Variants in ABCA1 observed in about 807,000 individuals in gnomAD.
The protein encoded by ABCA1 is phospholipid-transporting ATPase ABCA1.
In ABCA1, 133 loss-of-function variants were observed where a neutral mutation model predicts 262.5. That is an observed-to-expected ratio of 0.51 (90% confidence interval 0.44 to 0.59). The LOEUF is 0.59. ABCA1 is among the 20% of genes least tolerant of loss of function. The pLI, the probability that ABCA1 is intolerant of heterozygous loss-of-function variation, is 0.00. For missense variants in ABCA1, 2,452 were observed against 2,777.5 expected (o/e 0.88, Z 2.63); for synonymous variants, 1,022 against 1,043.5 (o/e 0.98, Z 0.40).
chr9:104,881,612 GCAGC>G (rs1838663884), intron 5 of ABCA1, among the ~76,000 whole-genome samples: 2 of 152,172 alleles, frequency 1.3e-5, no homozygotes, highest in Admixed American at 6.5e-5. Context: ...ACAAAGTCAT[GCAGC>G]CACAGGGTAA....
At chr9:104,905,552 C>T (rs2118446667) in intron 1 of ABCA1, among the ~76,000 whole-genome samples, 1 of 152,286 alleles carries the variant, frequency 6.6e-6, no homozygotes, top group South Asian at 2.1e-4. Context: ...GGACACAGGC[C>T]TCCAAAGTTT....
At chr9:104,873,728 T>C (rs1837851615) in intron 5 of ABCA1, among the ~76,000 whole-genome samples, 1 of 152,214 alleles carries the variant, frequency 6.6e-6, no homozygotes, top group African/African-American at 2.4e-5. Context: ...GCAGTGAGCT[T>C]AAGAACAAGC....
chr9:104,893,435 A>AAAG, intron 2 of ABCA1, among the ~76,000 whole-genome samples: 1 of 117,782 alleles, frequency 8.5e-6, no homozygotes, highest in African/African-American at 3.3e-5. Flanking sequence ...AAAAAAAAAA[A>AAAG]AAAAAAAAAA....
intron 1 of ABCA1, among the ~76,000 whole-genome samples, chr9:104,907,980 C>G (rs1841273709): frequency 6.6e-6 from 1 of 152,236 alleles, no homozygotes; most frequent in African/African-American, 2.4e-5. Flanking sequence ...GAAATTTTAA[C>G]TGCAAATGCC....
chr9:104,783,290 T>A lies in ABCA1; in HGVS notation c.*1025A>T, dbSNP rs1232659449. ...AAATAACATTAAAAAGTACAAACAT[T>A]TTTGTCAAAATACAACTCCATCTTT... is the stretch of plus-strand genomic sequence containing the variant. On this transcript the variant is annotated 3_prime_UTR_variant, in exon 50 of 50. Transcript: ENST00000374736. 1 of 152,186 alleles carries A rather than the reference T, an allele frequency of 6.6e-6. No homozygotes were observed. The highest frequency in any genetic ancestry group is 1.5e-5 in the Non-Finnish European group (1 of 68,042). 9.4% of individuals were successfully genotyped at this position (152,186 alleles called of 1,614,324 possible).
At position 104,820,080 on chromosome 9, in the gene ABCA1, G is replaced by T. The variant is rs758562247; in HGVS notation, c.2961-11C>A. Reference sequence around the variant, plus strand: ...TCTTCGACAGTCAGCCTGGGGACAGGGAGGCAGGTCAGCTCTGGGCCCTAC... The same window carrying T: ...TCTTCGACAGTCAGCCTGGGGACAGTGAGGCAGGTCAGCTCTGGGCCCTAC... On this transcript the variant is annotated splice_polypyrimidine_tract_variant and intron_variant, in intron 20 of 49. Coordinates refer to ENST00000374736, the MANE Select transcript of ABCA1 (RefSeq NM_005502.4). 1 of 1,614,082 alleles carries T rather than the reference G, an allele frequency of 6.2e-7. No homozygotes were observed. The highest frequency in any genetic ancestry group is 1.7e-5 in the Admixed American group (1 of 60,018).
chr9:104,903,889 T>C (rs1039618348), intron 1 of ABCA1, 118 bp from the exon 2 acceptor site: 35 of 611,214 alleles, frequency 5.7e-5, no homozygotes, highest in African/African-American at 5.5e-4. Flanking sequence ...CTCTGCATCA[T>C]GACTGCTTCT....
At chr9:104,885,838 A>G (rs1387487384) in intron 3 of ABCA1, among the ~76,000 whole-genome samples, 1 of 152,172 alleles carries the variant, frequency 6.6e-6, no homozygotes, top group African/African-American at 2.4e-5. Flanking sequence ...TGTGACCCCA[A>G]AAGAGTTCAC....
At chr9:104,815,067 C>T (rs954981815) in intron 25 of ABCA1, among the ~76,000 whole-genome samples, 2 of 152,152 alleles carry the variant, frequency 1.3e-5, no homozygotes, top group African/African-American at 2.4e-5. Flanking sequence ...TCTGAACCTA[C>T]AGGGAATGAG....
chr9:104,876,948 T>C (rs551401319), intron 5 of ABCA1, among the ~76,000 whole-genome samples: 1 of 152,332 alleles, frequency 6.6e-6, no homozygotes, highest in South Asian at 2.1e-4. Context: ...TAAAACAAGA[T>C]AGTATTTTTA....
At chr9:104,816,961 G>A (rs1366961050) in intron 24 of ABCA1, among the ~76,000 whole-genome samples, 1 of 152,094 alleles carries the variant, frequency 6.6e-6, no homozygotes. Context: ...AAATCTGGAA[G>A]GCTGTTCCTC....
At position 104,822,535 on chromosome 9, in the gene ABCA1, G is replaced by T; in HGVS notation, c.2789C>A (p.Ser930Tyr). Residue 930 changes from serine to tyrosine, a missense_variant, in exon 19 of 50, where the codon TCC (serine) becomes TAC (tyrosine). Ser to Tyr is a moderately radical substitution (Grantham distance 144). Around this residue, in one of 4 missense-constraint regions of ABCA1, gnomAD observed 665 missense variants for 727.3 expected, o/e 0.91. Coordinates refer to ENST00000374736, the MANE Select transcript of ABCA1 (RefSeq NM_005502.4). ...ALNFYEGQIT[S>Y]FLGHNGAGKT... Reference sequence around the variant, plus strand: ...CCCCGCTCCATTGTGGCCCAGGAAGGAGGTGATCTGGCCCTCATAAAAATT... The same window carrying T: ...CCCCGCTCCATTGTGGCCCAGGAAGTAGGTGATCTGGCCCTCATAAAAATT... 6.2e-7 allele frequency: 1 copy of T among 1,614,008 alleles called. No individual in the cohort carries two copies. Among genetic ancestry groups the T allele is most frequent in the Non-Finnish European group, 8.5e-7 (1 of 1,179,994 alleles).
chr9:104,881,869 T>G lies in ABCA1; in HGVS notation c.421+1170A>C, dbSNP rs1016356046. On this transcript the variant is annotated intron_variant, in intron 5 of 49. Transcript: ENST00000374736. ...ATGGCCTGGCTGCACAGCCAGGAGTTGTCTAAGTGGACACTCCAAGCACAG... is the reference window on the plus strand; with the variant it reads ...ATGGCCTGGCTGCACAGCCAGGAGTGGTCTAAGTGGACACTCCAAGCACAG... 2.6e-5 allele frequency among the ~76,000 whole-genome samples: 4 copies of G among 151,900 alleles called. No individual in the cohort carries two copies. The East Asian group carries it at 5.9e-4, about 22-fold the overall frequency.
intron 14 of ABCA1, among the ~76,000 whole-genome samples, chr9:104,830,329 G>A (rs1316497864): frequency 6.6e-6 from 1 of 152,218 alleles, no homozygotes. Flanking sequence ...GCTTGCATGT[G>A]TTTGTCATGA....
intron 25 of ABCA1, among the ~76,000 whole-genome samples, chr9:104,815,002 A>T (rs1367587995): frequency 1.3e-5 from 2 of 152,166 alleles, no homozygotes; most frequent in Non-Finnish European, 2.9e-5. Context: ...GTCTCATCAA[A>T]AATAAAAAAA....
At chr9:104,791,431 G>A (rs368189607) in intron 43 of ABCA1, among the ~76,000 whole-genome samples, 6 of 152,250 alleles carry the variant, frequency 3.9e-5, no homozygotes, top group South Asian at 2.1e-4. Context: ...TTAGATGTGC[G>A]TGCTTTTTCT....
At chr9:104,797,359 A>G (rs1335835089) in intron 37 of ABCA1, among the ~76,000 whole-genome samples, 1 of 152,254 alleles carries the variant, frequency 6.6e-6, no homozygotes, top group African/African-American at 2.4e-5. Context: ...ATGAATTTGT[A>G]TAGAATGAAG....
intron 11 of ABCA1, among the ~76,000 whole-genome samples, chr9:104,835,302 G>T (rs1268362815): frequency 1.3e-5 from 2 of 151,646 alleles, no homozygotes; most frequent in Non-Finnish European, 2.9e-5. Context: ...GTTGGAAGAG[G>T]TTCCCTTTTC....
At chr9:104,837,692 A>G in intron 9 of ABCA1, 125 bp from the exon 10 acceptor site, 1 of 1,158,008 alleles carries the variant, frequency 8.6e-7, no homozygotes, top group Non-Finnish European at 1.2e-6. Flanking sequence ...GTCATATAAT[A>G]AGTAACTTAT....
Sources: gnomAD v4.1 joint callset for allele counts (sites outside exome capture counted in the v4.1 genomes callset) on GRCh38, gnomAD v4.1.1 for gene constraint, gnomAD v4.1.1 regional missense constraint, MANE v1.5 for transcripts, NCBI Gene and HGNC (gene_info 2026-07-23, HGNC 2026-07-21) for gene names.